SLC38A12: variants seen among roughly 807,000 people sequenced by gnomAD.
SLC38A12 encodes solute carrier family 38 member 12.
chr17:74,827,001 G>C, the SLC38A12 span, among the ~76,000 whole-genome samples: 1 of 152,156 alleles, frequency 6.6e-6, no homozygotes, highest in Non-Finnish European at 1.5e-5. The surrounding 1 kb of genome is among the most constrained non-coding windows in gnomAD (Gnocchi z 4.7). Flanking sequence ...GGTTTGCTGA[G>C]GCCAGTGATA....
chr17:74,803,411 C>T, the SLC38A12 span, among the ~76,000 whole-genome samples: 7 of 152,082 alleles, frequency 4.6e-5, no homozygotes, highest in Admixed American at 2.6e-4. Flanking sequence ...GGGAGAGCTC[C>T]GCGGAGCTTG....
chr17:74,818,946 AT>A, the SLC38A12 span, among the ~76,000 whole-genome samples: 1 of 152,218 alleles, frequency 6.6e-6, no homozygotes, highest in African/African-American at 2.4e-5. Context: ...GAAGGTTCCC[AT>A]TTCCCACAGA....
the SLC38A12 span, chr17:74,795,460 T>C: frequency 1.4e-6 from 2 of 1,460,092 alleles, no homozygotes; most frequent in Admixed American, 1.9e-5. Context: ...GAGTGGCTTC[T>C]GTCTCCCCCA....
At chr17:74,833,336 A>G in the SLC38A12 span, among the ~76,000 whole-genome samples, 1 of 152,214 alleles carries the variant, frequency 6.6e-6, no homozygotes, top group African/African-American at 2.4e-5. Flanking sequence ...GTTCTAGCTG[A>G]AGGTTCTAGA....
chr17:74,813,339 G>C, the SLC38A12 span, among the ~76,000 whole-genome samples: 1 of 152,206 alleles, frequency 6.6e-6, no homozygotes, highest in Non-Finnish European at 1.5e-5. Flanking sequence ...TCTGTCACTT[G>C]GTGCAAAGGG....
the SLC38A12 span, among the ~76,000 whole-genome samples, chr17:74,807,069 G>T: frequency 0.026 from 3,919 of 152,138 alleles, 80 homozygotes; most frequent in Non-Finnish European, 0.038. Flanking sequence ...GGCATGGTCT[G>T]CCCCAGTCTC....
At chr17:74,783,064 A>G in the SLC38A12 span, among the ~76,000 whole-genome samples, 1 of 152,230 alleles carries the variant, frequency 6.6e-6, no homozygotes, top group African/African-American at 2.4e-5. Flanking sequence ...CCAGGAGGCA[A>G]GGTTGCAGTG....
chr17:74,835,964 C>T, the SLC38A12 span: 36 of 1,611,252 alleles, frequency 2.2e-5, no homozygotes, highest in East Asian at 1.1e-4. Context: ...TGATCCGCAT[C>T]GGGCACGGAC....
chr17:74,785,706 C>G, the SLC38A12 span: 1 of 1,441,814 alleles, frequency 6.9e-7, no homozygotes. Context: ...GGGAAGACAC[C>G]TGTCTACCCC....
chr17:74,786,438 C>G, the SLC38A12 span, among the ~76,000 whole-genome samples: 1 of 152,256 alleles, frequency 6.6e-6, no homozygotes, highest in African/African-American at 2.4e-5. Flanking sequence ...CACAAAGATC[C>G]CTGCCTGTGC....
chr17:74,820,517 C>T, the SLC38A12 span, among the ~76,000 whole-genome samples: 7 of 152,234 alleles, frequency 4.6e-5, no homozygotes, highest in African/African-American at 9.6e-5. Flanking sequence ...GGCCAGCTGC[C>T]GATCCACCTG....
chr17:74,824,543 C>T, the SLC38A12 span, among the ~76,000 whole-genome samples: 4 of 152,158 alleles, frequency 2.6e-5, no homozygotes, highest in Non-Finnish European at 4.4e-5. Flanking sequence ...TGCCTGCAGG[C>T]GCCTCCCATG....
At chr17:74,813,551 G>T in the SLC38A12 span, among the ~76,000 whole-genome samples, 1 of 151,838 alleles carries the variant, frequency 6.6e-6, no homozygotes, top group Admixed American at 6.6e-5. Flanking sequence ...ATGCAATGGC[G>T]CAATCTCAGC....
chr17:74,789,701 C>T, the SLC38A12 span, among the ~76,000 whole-genome samples: 2 of 151,716 alleles, frequency 1.3e-5, no homozygotes, highest in Non-Finnish European at 1.5e-5. Flanking sequence ...CAAAATTAGC[C>T]GGCCGTGGTG....
At chr17:74,795,172 G>A in the SLC38A12 span, 2 of 1,395,698 alleles carry the variant, frequency 1.4e-6, no homozygotes, top group South Asian at 2.3e-5. Context: ...AGCAAGTCAG[G>A]GCAGAGTGTC....
chr17:74,785,376 C>T, the SLC38A12 span: 1 of 1,502,244 alleles, frequency 6.7e-7, no homozygotes, highest in South Asian at 1.3e-5. Flanking sequence ...ACAGTGTGGC[C>T]TTCTGGCCTC....
chr17:74,800,403 A>G, the SLC38A12 span, among the ~76,000 whole-genome samples: 1 of 152,192 alleles, frequency 6.6e-6, no homozygotes. Flanking sequence ...TGGGCACTCA[A>G]GTAGTGTTAG....
At chr17:74,836,635 C>G in the SLC38A12 span, 1 of 1,612,496 alleles carries the variant, frequency 6.2e-7, no homozygotes, top group Non-Finnish European at 8.5e-7. This position sits in a 1 kb window ranked among gnomAD's most constrained non-coding sequence, Gnocchi z 4.2. Flanking sequence ...TGGGCTTTCT[C>G]CTGCTTCATT....
the SLC38A12 span, chr17:74,836,374 G>A: frequency 3.7e-6 from 6 of 1,612,284 alleles, no homozygotes; most frequent in Non-Finnish European, 5.1e-6. This position sits in a 1 kb window ranked among gnomAD's most constrained non-coding sequence, Gnocchi z 4.2. Flanking sequence ...ACGTACCCGT[G>A]GGTGGTGGAC....
Sources: gnomAD v4.1 joint callset for allele counts (sites outside exome capture counted in the v4.1 genomes callset) on GRCh38, gnomAD v4.1.1 for gene constraint, Gnocchi (gnomAD v3.1) non-coding constraint, MANE v1.5 for transcripts, NCBI Gene and HGNC (gene_info 2026-07-23, HGNC 2026-07-21) for gene names.